KCTD18: variants seen among roughly 807,000 people sequenced by gnomAD.
The protein encoded by KCTD18 is potassium channel tetramerization domain containing 18.
In KCTD18, 22 loss-of-function variants were observed where a neutral mutation model predicts 30.4. That is an observed-to-expected ratio of 0.72 (90% CI 0.52 to 1.03). The LOEUF is 1.03. Ranked by LOEUF, KCTD18 falls within the 50% of genes least tolerant of loss-of-function variation. The pLI is 0.00. For synonymous variants in KCTD18, 186 were observed against 209.0 expected (o/e 0.89, Z 0.95); for missense variants, 529 against 547.6 (o/e 0.97, Z 0.34).
chr2:200,490,192 T>TGGC lies in KCTD18; in HGVS notation c.1186_1188dup (p.Ala396dup), dbSNP rs1483290015. 2 of 1,613,822 alleles carry TGGC rather than the reference T, an allele frequency of 1.2e-6. No homozygotes were observed. The highest frequency in any genetic ancestry group is 1.7e-5 in the Admixed American group (1 of 60,004). On this transcript the variant is annotated inframe_insertion, in exon 7 of 7. Coordinates refer to ENST00000359878, the MANE Select transcript of KCTD18 (RefSeq NM_152387.4). ...GGCTTGAGGGAGTTGGCCTGCCTCG[T>TGGC]GGCCGTGGGGGAGGGCAGGCAAGGC...
At chr2:200,502,523 C>T (rs1389994268) in intron 3 of KCTD18, among the ~76,000 whole-genome samples, 2 of 152,140 alleles carry the variant, frequency 1.3e-5, no homozygotes, top group Non-Finnish European at 2.9e-5. Context: ...TATGTAAACT[C>T]AATATCTAAA....
In KCTD18 at chr2:200,493,381, T is replaced by C. The variant is rs78882630; in HGVS notation, c.662-107A>G. ...AGAGTCTGAGGTTCATGCCTCCCGT[T>C]TGGCAAAGAGAGGTGTGCACAACAT... On this transcript the variant is annotated intron_variant, in intron 5 of 6. Transcript: ENST00000359878. The C allele has an allele frequency of 5.4e-4, 386 of 714,786 alleles. 3 individuals are homozygous for C. In the African/African-American group the frequency reaches 6.1e-3, roughly 11 times the overall value. The allele number at this position is 714,786 out of a possible 1,614,324, so 44.3% of individuals were successfully genotyped here.
chr2:200,499,664 G>C (rs1279085742), intron 3 of KCTD18, among the ~76,000 whole-genome samples: 1 of 151,442 alleles, frequency 6.6e-6, no homozygotes, highest in African/African-American at 2.4e-5. Flanking sequence ...GAGAGTCCAG[G>C]ACCAGATGGA....
chr2:200,491,253 G>A (rs974181314), intron 6 of KCTD18, among the ~76,000 whole-genome samples: 12 of 152,110 alleles, frequency 7.9e-5, no homozygotes, highest in East Asian at 5.8e-4. Flanking sequence ...GTCTCTCACC[G>A]TGTGACATAT....
At chr2:200,494,268 G>C (rs1320597932) in intron 5 of KCTD18, among the ~76,000 whole-genome samples, 1 of 152,188 alleles carries the variant, frequency 6.6e-6, no homozygotes, top group Non-Finnish European at 1.5e-5. Flanking sequence ...GAAATGTTTA[G>C]AACTGGAGAG....
At chr2:200,492,748 A>G (rs2087938082) in intron 6 of KCTD18, among the ~76,000 whole-genome samples, 1 of 152,268 alleles carries the variant, frequency 6.6e-6, no homozygotes, top group African/African-American at 2.4e-5. Context: ...ATACCATTTA[A>G]TAAAAGTGCT....
intron 1 of KCTD18, among the ~76,000 whole-genome samples, chr2:200,508,149 G>A (rs1012023320): frequency 6.6e-6 from 1 of 152,172 alleles, no homozygotes; most frequent in Non-Finnish European, 1.5e-5. Flanking sequence ...GTAGCCCAGG[G>A]TGGAGTACAG....
rs760403787 is a variant in KCTD18 at position 200,490,179 on chromosome 2, T to C, written c.1202A>G (p.Asn401Ser). The C allele has an allele frequency of 5.6e-6, 9 of 1,613,394 alleles. No individual in the cohort carries two copies. The highest frequency in any genetic ancestry group is 7.6e-6 in the Non-Finnish European group (9 of 1,179,394). ...LPSPTATRQA[N>S]SLKPLPGEAA... ...TTCGCCGGGAAGCGGCTTGAGGGAG[T>C]TGGCCTGCCTCGTGGCCGTGGGGGA... The change falls in exon 7 of 7, where the codon AAC becomes AGC. Residue 401 changes from asparagine (N) to serine (S), a missense_variant. Asn to Ser is a conservative substitution (Grantham distance 46). Coordinates refer to ENST00000359878, the MANE Select transcript of KCTD18 (RefSeq NM_152387.4).
intron 2 of KCTD18, among the ~76,000 whole-genome samples, chr2:200,506,611 C>A (rs1377395825): frequency 6.6e-6 from 1 of 152,204 alleles, no homozygotes; most frequent in Non-Finnish European, 1.5e-5. Context: ...TACAGTTAAT[C>A]CCCATAATTA....
chr2:200,500,287 T>C (rs367685433), intron 3 of KCTD18, among the ~76,000 whole-genome samples: 2 of 148,144 alleles, frequency 1.4e-5, no homozygotes, highest in African/African-American at 2.5e-5. Context: ...CTAGGGCAAT[T>C]AGGCAGGAGA....
chr2:200,500,869 A>G (rs1296563187), intron 3 of KCTD18, among the ~76,000 whole-genome samples: 1 of 152,234 alleles, frequency 6.6e-6, no homozygotes, highest in African/African-American at 2.4e-5. Context: ...GCATCATGCT[A>G]CCTGACTTCA....
chr2:200,501,803 T>C (rs1199467394), intron 3 of KCTD18, among the ~76,000 whole-genome samples: 10 of 151,618 alleles, frequency 6.6e-5, no homozygotes, highest in African/African-American at 1.9e-4. Flanking sequence ...ACCCAAAGGA[T>C]TATAAATCAT....
rs2087865666 is a variant in KCTD18 at position 200,489,053 on chromosome 2, T to C, written c.*1047A>G. 1 of 152,540 alleles carries C rather than the reference T, an allele frequency of 6.6e-6. No individual in the cohort carries two copies. The highest frequency in any genetic ancestry group is 2.1e-4 in the South Asian group (1 of 4,828). 9.4% of individuals were successfully genotyped at this position (152,540 alleles called of 1,614,324 possible). ...AGCAATGAAAGTACAATGATAAGCA[T>C]TTGAATAAAAAGTACCCTGTTTTAT... On this transcript the variant is annotated 3_prime_UTR_variant, in exon 7 of 7. Transcript: ENST00000359878.
intron 5 of KCTD18, among the ~76,000 whole-genome samples, chr2:200,494,084 C>T (rs192409189): frequency 1.8e-3 from 267 of 152,294 alleles, no homozygotes; most frequent in Middle Eastern, 6.8e-3. Flanking sequence ...GCCTCGAAAA[C>T]ATTATGCTAA....
chr2:200,498,774 G>C (rs2106280405), intron 4 of KCTD18, 117 bp downstream of exon 4: 2 of 818,702 alleles, frequency 2.4e-6, no homozygotes, highest in African/African-American at 1.7e-5. Context: ...ATGGCTCACT[G>C]TGTCTCCTGA....
At chr2:200,508,953 G>A (rs1166966523) in intron 1 of KCTD18, among the ~76,000 whole-genome samples, 2 of 152,154 alleles carry the variant, frequency 1.3e-5, no homozygotes, top group Non-Finnish European at 2.9e-5. Flanking sequence ...CCCCAAGTTA[G>A]AATCCTTGCA....
At chr2:200,490,717 C>T (rs930942858) in intron 6 of KCTD18, 101 bp from the exon 7 acceptor site, 2 of 1,351,676 alleles carry the variant, frequency 1.5e-6, no homozygotes, top group Non-Finnish European at 2.0e-6. Flanking sequence ...AGGTTTTGGT[C>T]AAGAATTAAA....
chr2:200,500,530 A>T (rs1278852659), intron 3 of KCTD18, among the ~76,000 whole-genome samples: 1 of 151,158 alleles, frequency 6.6e-6, no homozygotes, highest in Admixed American at 6.6e-5. Flanking sequence ...TCCCATTCAC[A>T]ATTGCTTCAA....
At chr2:200,496,777 GC>G (rs987101970) in intron 5 of KCTD18, 1 of 152,604 alleles carries the variant, frequency 6.6e-6, no homozygotes, top group Non-Finnish European at 1.5e-5. Flanking sequence ...ACAGGCATGA[GC>G]CACTGCACCC....
Sources: allele counts gnomAD v4.1 joint callset (sites outside exome capture counted in the v4.1 genomes callset), GRCh38; gene constraint gnomAD v4.1.1; transcripts MANE v1.5; gene names NCBI Gene and HGNC (gene_info 2026-07-23, HGNC 2026-07-21).